Variants in YIPF6 observed in about 807,000 individuals in gnomAD.
YIPF6 encodes protein YIPF6.
Under a neutral mutation model 16.8 loss-of-function variants are expected in YIPF6, and 3 were observed. That is an observed-to-expected ratio of 0.18 (90% CI 0.08 to 0.46). YIPF6 has a LOEUF of 0.46. Among genes scored for constraint, YIPF6 ranks in the 20% least tolerant of loss-of-function variants. The probability of loss-of-function intolerance (pLI) is 0.98; values close to 1 mark genes in which losing one functional copy is unlikely to be tolerated. For synonymous variants in YIPF6, 67 were observed against 61.9 expected, an observed-to-expected ratio of 1.08 and a Z score of -0.38; for missense variants, 145 against 184.9, an observed-to-expected ratio of 0.78 and a Z score of 1.25.
chrX:68,531,812 TAAA>T (rs2079172494), intron 6 of YIPF6, 66 bp from the exon 7 acceptor site: 2 of 743,131 alleles, frequency 2.7e-6, no homozygotes, highest in East Asian at 3.6e-5. Flanking sequence ...GAATGTTTAG[TAAA>T]TGTTAATAGT....
intron 4 of YIPF6, among the ~76,000 whole-genome samples, chrX:68,519,698 G>A (rs1394846244): frequency 1.8e-5 from 2 of 109,936 alleles, no homozygotes; most frequent in African/African-American, 6.6e-5. Flanking sequence ...GAGTGGTTGA[G>A]GGTCCTTTCC....
chrX:68,509,252 G>T (rs2079071224), intron 1 of YIPF6, among the ~76,000 whole-genome samples: 1 of 110,005 alleles, frequency 9.1e-6, no homozygotes, highest in African/African-American at 3.3e-5. Context: ...TGGGACCACA[G>T]TTAGTTGCAT....
At chrX:68,512,728 A>C (rs1034225269) in intron 2 of YIPF6, among the ~76,000 whole-genome samples, 5 of 111,499 alleles carry the variant, frequency 4.5e-5, no homozygotes, top group Non-Finnish European at 9.4e-5. Context: ...CAAAGTGTTT[A>C]ATAACGGGTA....
intron 4 of YIPF6, among the ~76,000 whole-genome samples, chrX:68,519,949 C>T (rs763758403): frequency 2.7e-5 from 3 of 111,656 alleles, no homozygotes; most frequent in African/African-American, 6.5e-5. Flanking sequence ...TGTAGTTTAA[C>T]CCCACTTAGT....
Position 68,515,516 on chromosome X carries a change from T to C in YIPF6, c.265+2111T>C, listed in dbSNP as rs760801520. Among the ~76,000 whole-genome samples the C allele has an allele frequency of 2.5e-4, 28 of 110,832 alleles. No individual in the cohort carries two copies. The South Asian group carries it at 3.1e-3, about 12-fold the overall frequency. ...GGTCTAGGCCTTCACAGGGTCAGAA[T>C]TGGATCATTAGTACAATTGTCTTCC... On this transcript the variant is annotated intron_variant, in intron 3 of 6. Transcript: ENST00000462683.
In YIPF6 at chrX:68,537,244, T is replaced by C. The variant is rs745608546; in HGVS notation, c.*5245T>C. The C allele has an allele frequency of 4.5e-5, 5 of 112,332 alleles. No individual in the cohort carries two copies. The highest frequency in any genetic ancestry group is 3.8e-4 in the Admixed American group (4 of 10,554). 9.3% of individuals were successfully genotyped at this position (112,332 alleles called of 1,213,427 possible). On this transcript the variant is annotated 3_prime_UTR_variant, in exon 7 of 7. Coordinates refer to ENST00000462683, the MANE Select transcript of YIPF6 (RefSeq NM_173834.4). ...ATCTGTGAAAAATCTGTAAAAAGAT[T>C]TGTGACTATTAAATGTGCAACTAAA...
Position 68,532,064 on chromosome X carries a change from G to T in YIPF6, c.*65G>T. 1.1e-6 allele frequency: 1 copy of T among 878,372 alleles called. No homozygotes were observed. Among genetic ancestry groups the T allele is most frequent in the South Asian group, 2.3e-5 (1 of 43,046 alleles). The allele number at this position is 878,372 out of a possible 1,213,427, so 72.4% of individuals were successfully genotyped here. On this transcript the variant is annotated 3_prime_UTR_variant, in exon 7 of 7. Coordinates refer to ENST00000462683, the MANE Select transcript of YIPF6 (RefSeq NM_173834.4). ...CATCTGAAAGATGCAATTCACCATG[G>T]AGCTTTGTCTCTGGCCCTTATTTGT... is the stretch of plus-strand genomic sequence containing the variant.
At chrX:68,501,044 C>T (rs765565415) in intron 1 of YIPF6, among the ~76,000 whole-genome samples, 1 of 112,013 alleles carries the variant, frequency 8.9e-6, no homozygotes, top group East Asian at 2.8e-4. Flanking sequence ...TTCAGTGGTT[C>T]TGATCACTCA....
intron 1 of YIPF6, 62 bp from the exon 2 acceptor site, chrX:68,511,787 A>G (rs949966357): frequency 1.8e-6 from 2 of 1,129,300 alleles, no homozygotes; most frequent in South Asian, 2.2e-5. Context: ...GGAAATGATG[A>G]TATATATGAG....
chrX:68,502,509 G>A (rs1018704507), intron 1 of YIPF6, among the ~76,000 whole-genome samples: 2 of 111,216 alleles, frequency 1.8e-5, no homozygotes, highest in Non-Finnish European at 3.8e-5. Flanking sequence ...TGAAGAGCAT[G>A]GCTATAGACA....
At chrX:68,530,279 C>T (rs2079165976) in intron 6 of YIPF6, among the ~76,000 whole-genome samples, 1 of 111,084 alleles carries the variant, frequency 9.0e-6, no homozygotes, top group South Asian at 3.8e-4. Context: ...GGGAAAACTG[C>T]CTACTCAAGC....
intron 3 of YIPF6, chrX:68,515,257 C>G (rs1243206951): frequency 9.5e-6 from 1 of 105,348 alleles, no homozygotes; most frequent in African/African-American, 3.5e-5. Context: ...ACCCAAGAGG[C>G]GGAGCTTGCA....
At chrX:68,500,200 C>G in intron 1 of YIPF6, among the ~76,000 whole-genome samples, 1 of 112,385 alleles carries the variant, frequency 8.9e-6, no homozygotes. Context: ...CTAATACTAT[C>G]AGTACCATGA....
At position 68,522,781 on chromosome X, in the gene YIPF6, T is replaced by C; in HGVS notation, c.456T>C (p.Cys152=). Residue 152 remains cysteine, a synonymous_variant, in exon 6 of 7, where the codon TGT becomes TGC. Transcript: ENST00000462683. ...TAAGATCTTTTTTTCAGAGCCTCTG[T>C]GTGCTGGGTTACTGTATACTTCCCT... ...GGNISFFQSL[C]VLGYCILPLT... 3 of 1,200,956 alleles carry C rather than the reference T, an allele frequency of 2.5e-6. No homozygotes were observed. The highest frequency in any genetic ancestry group is 3.4e-6 in the Non-Finnish European group (3 of 892,700).
intron 1 of YIPF6, among the ~76,000 whole-genome samples, chrX:68,499,534 A>T (rs2079033002): frequency 8.9e-6 from 1 of 112,257 alleles, no homozygotes; most frequent in African/African-American, 3.2e-5. Context: ...TTTGTTGCTT[A>T]TAACTTTAGT....
At chrX:68,499,568 TAGGCCAGG>T (rs1334505931) in intron 1 of YIPF6, among the ~76,000 whole-genome samples, 1 of 112,155 alleles carries the variant, frequency 8.9e-6, no homozygotes, top group African/African-American at 3.2e-5. Context: ...GTGACCCCAG[TAGGCCAGG>T]TTTAACCCCT....
chrX:68,521,660 A>C (rs1472430226), intron 5 of YIPF6, among the ~76,000 whole-genome samples, 163 bp downstream of exon 5: 1 of 107,351 alleles, frequency 9.3e-6, no homozygotes, highest in Admixed American at 1.0e-4. Context: ...TGCAGCCTCT[A>C]TCTCCCAGGC....
intron 3 of YIPF6, among the ~76,000 whole-genome samples, chrX:68,517,779 G>A (rs1402037593): frequency 9.4e-6 from 1 of 106,889 alleles, no homozygotes; most frequent in Non-Finnish European, 1.9e-5. Context: ...ACCAGCCTGG[G>A]CAACATGGTG....
chrX:68,526,332 G>A (rs2079147655), intron 6 of YIPF6, among the ~76,000 whole-genome samples: 1 of 106,316 alleles, frequency 9.4e-6, no homozygotes, highest in Non-Finnish European at 1.9e-5. Context: ...CATTGATTTT[G>A]TATCCTGAGA....
Sources: gnomAD v4.1 joint callset for allele counts (sites outside exome capture counted in the v4.1 genomes callset) on GRCh38, gnomAD v4.1.1 for gene constraint, MANE v1.5 for transcripts, NCBI Gene and HGNC (gene_info 2026-07-23, HGNC 2026-07-21) for gene names.